The following ERBB4 variants were observed in gnomAD, a reference collection of about 807,000 sequenced individuals.
ERBB4 encodes the protein receptor tyrosine-protein kinase erbB-4.
ERBB4 carries 42 observed loss-of-function variants against 158.0 expected under a neutral mutation model. The observed-to-expected ratio is 0.27, with a 90% confidence interval of 0.21 to 0.34. The LOEUF (loss-of-function observed/expected upper bound fraction) is 0.34. ERBB4 is among the 10% of genes least tolerant of loss of function. ERBB4 has a pLI of 1.00. For missense variants in ERBB4, 1,333 were observed against 1,624.1 expected, an observed-to-expected ratio of 0.82 and a Z score of 3.08; for synonymous variants, 583 against 558.7, an observed-to-expected ratio of 1.04 and a Z score of -0.61.
At chr2:211,997,769 T>C (rs975712496) in intron 2 of ERBB4, among the ~76,000 whole-genome samples, 1 of 152,064 alleles carries the variant, frequency 6.6e-6, no homozygotes, top group South Asian at 2.1e-4. Context: ...GCATTACTTA[T>C]ATTGTCTTGT....
chr2:211,529,328 A>G (rs1471827329), intron 20 of ERBB4, among the ~76,000 whole-genome samples: 1 of 151,972 alleles, frequency 6.6e-6, no homozygotes, highest in African/African-American at 2.4e-5. Context: ...ACCTGAACAA[A>G]CAAGTAATAA....
Position 212,382,068 on chromosome 2 carries a change from T to C in ERBB4, c.82+156381A>G, listed in dbSNP as rs538000311. ...TAGACACCTCCCCAGGCCTACTAAA[T>C]CAGATTCTGCATTTCACTATAAATA... On this transcript the variant is annotated intron_variant, in intron 1 of 27. Coordinates refer to ENST00000342788, the MANE Select transcript of ERBB4 (RefSeq NM_005235.3). 4.0e-5 allele frequency among the ~76,000 whole-genome samples: 6 copies of C among 151,004 alleles called. No individual in the cohort carries two copies. The East Asian group carries it at 1.2e-3, about 29-fold the overall frequency.
intron 19 of ERBB4, among the ~76,000 whole-genome samples, chr2:211,571,348 G>A (rs1426623648): frequency 6.6e-6 from 1 of 152,016 alleles, no homozygotes; most frequent in African/African-American, 2.4e-5. Context: ...AAAACATATG[G>A]AATTGATTGC....
chr2:211,410,837 T>A (rs1052553670), intron 25 of ERBB4, among the ~76,000 whole-genome samples: 2 of 152,152 alleles, frequency 1.3e-5, no homozygotes, highest in Non-Finnish European at 2.9e-5. Context: ...CCTATGAAAA[T>A]CCTTAGGAAG....
At chr2:211,840,262 G>A (rs534286706) in intron 3 of ERBB4, among the ~76,000 whole-genome samples, 1 of 152,062 alleles carries the variant, frequency 6.6e-6, no homozygotes, top group African/African-American at 2.4e-5. Context: ...CGCTTTGCCT[G>A]CCACCAAGAA....
intron 1 of ERBB4, among the ~76,000 whole-genome samples, chr2:212,452,971 A>G (rs747386247): frequency 1.3e-5 from 2 of 152,144 alleles, no homozygotes; most frequent in African/African-American, 2.4e-5. Context: ...ACATTTGTTA[A>G]TTTATCTTAC....
chr2:211,872,507 C>T (rs534941235), intron 3 of ERBB4, among the ~76,000 whole-genome samples: 17 of 152,098 alleles, frequency 1.1e-4, no homozygotes, highest in Non-Finnish European at 1.2e-4. Context: ...AAAATCCCCT[C>T]AGTTTACAGA....
At chr2:211,624,105 C>T (rs1281427167) in intron 17 of ERBB4, 61 bp from the exon 18 acceptor site, 19 of 651,080 alleles carry the variant, frequency 2.9e-5, no homozygotes, top group African/African-American at 3.9e-5. Context: ...CTCTCTCTGT[C>T]TCTCTCTCTC....
chr2:212,243,872 AT>A (rs1439160912), intron 1 of ERBB4, among the ~76,000 whole-genome samples: 1 of 152,200 alleles, frequency 6.6e-6, no homozygotes, highest in African/African-American at 2.4e-5. Flanking sequence ...ATAAACAATT[AT>A]AAAAATGATC....
chr2:212,389,167 C>T (rs1310094126), intron 1 of ERBB4, among the ~76,000 whole-genome samples: 1 of 152,020 alleles, frequency 6.6e-6, no homozygotes, highest in African/African-American at 2.4e-5. Flanking sequence ...TAGCAAACCC[C>T]TCTTACATTT....
intron 1 of ERBB4, among the ~76,000 whole-genome samples, chr2:212,222,154 A>G (rs1328497278): frequency 6.6e-6 from 1 of 151,588 alleles, no homozygotes; most frequent in African/African-American, 2.4e-5. Context: ...TGTTTTCACT[A>G]TCTTTGTATT....
chr2:212,048,368 G>A (rs1376362422), intron 2 of ERBB4, among the ~76,000 whole-genome samples: 1 of 152,140 alleles, frequency 6.6e-6, no homozygotes, highest in African/African-American at 2.4e-5. Context: ...GAATTGCAGG[G>A]GACACAGCTG....
intron 3 of ERBB4, among the ~76,000 whole-genome samples, chr2:211,801,368 T>G (rs1359170465): frequency 1.3e-5 from 2 of 152,174 alleles, no homozygotes; most frequent in African/African-American, 4.8e-5. Flanking sequence ...AATATCTTCT[T>G]GAAATATATA....
At chr2:212,143,124 A>C (rs2080541648) in intron 1 of ERBB4, among the ~76,000 whole-genome samples, 1 of 152,128 alleles carries the variant, frequency 6.6e-6, no homozygotes, top group African/African-American at 2.4e-5. Flanking sequence ...TTAGTGTACT[A>C]TTGAAACTTT....
chr2:211,812,109 C>T (rs1356254204), intron 3 of ERBB4, among the ~76,000 whole-genome samples: 1 of 152,192 alleles, frequency 6.6e-6, no homozygotes, highest in Non-Finnish European at 1.5e-5. Context: ...AAGACGCGCT[C>T]TGCTTTTTAG....
intron 20 of ERBB4, among the ~76,000 whole-genome samples, chr2:211,511,117 A>G (rs192006274): frequency 6.6e-6 from 1 of 152,138 alleles, no homozygotes; most frequent in East Asian, 1.9e-4. Context: ...AAATCAATGT[A>G]TTAGTATATT....
At chr2:211,931,377 T>C (rs1284360743) in intron 3 of ERBB4, among the ~76,000 whole-genome samples, 3 of 152,088 alleles carry the variant, frequency 2.0e-5, no homozygotes, top group Non-Finnish European at 2.9e-5. Context: ...CAAACCCTAA[T>C]AGAGGTCCCT....
chr2:212,062,399 CTTTTTTTTTTTTTTTTTTTTTTTT>C (rs199535512), intron 2 of ERBB4, among the ~76,000 whole-genome samples: 20 of 81,354 alleles, frequency 2.5e-4, no homozygotes, highest in Admixed American at 7.6e-4. Context: ...CTTGTCAATT[CTTTTTTTTTTTTTTTTTTTTTTTT>C]TTTTTTTTTT....
chr2:211,648,226 G>A (rs1279410822), intron 16 of ERBB4, among the ~76,000 whole-genome samples: 1 of 151,466 alleles, frequency 6.6e-6, no homozygotes, highest in Non-Finnish European at 1.5e-5. Context: ...CTCCATCTCA[G>A]TTTATGACAT....
Sources: allele counts gnomAD v4.1 joint callset (sites outside exome capture counted in the v4.1 genomes callset), GRCh38; gene constraint gnomAD v4.1.1; transcripts MANE v1.5; gene names NCBI Gene and HGNC (gene_info 2026-07-23, HGNC 2026-07-21).